The following GABRB1 variants were observed in gnomAD, a reference collection of about 807,000 sequenced individuals.
GABRB1 encodes gamma-aminobutyric acid receptor subunit beta-1.
A neutral mutation model predicts 51.6 loss-of-function variants in GABRB1; 17 were observed. That is an observed-to-expected ratio of 0.33 (90% CI 0.23 to 0.49). The LOEUF (loss-of-function observed/expected upper bound fraction) is 0.49, where lower values mean the gene tolerates loss of function less well. Ranked by LOEUF, GABRB1 falls within the 20% of genes least tolerant of loss-of-function variation. GABRB1 has a pLI of 0.99. For missense variants in GABRB1, 410 were observed against 600.6 expected (o/e 0.68, Z 3.32); for synonymous variants, 247 against 218.9 (o/e 1.13, Z -1.14).
At chr4:47,349,922 G>A (rs1309652155) in intron 5 of GABRB1, among the ~76,000 whole-genome samples, 1 of 151,804 alleles carries the variant, frequency 6.6e-6, no homozygotes, top group Non-Finnish European at 1.5e-5. Flanking sequence ...ACACTTTATA[G>A]CCCTCTTACA....
chr4:47,284,472 A>T lies in GABRB1; in HGVS notation c.462-35655A>T, dbSNP rs371301249. Among the ~76,000 whole-genome samples, 34 of 152,278 alleles carry T rather than the reference A, an allele frequency of 2.2e-4. 1 individual carries two copies. In the South Asian group the frequency reaches 6.8e-3, roughly 31 times the overall value. Reference sequence around the variant, plus strand: ...AACAATACTCAACCCCGAAATTCATACTTATTCTCAACACTCTACTATGTA... The same window carrying T: ...AACAATACTCAACCCCGAAATTCATTCTTATTCTCAACACTCTACTATGTA... On this transcript the variant is annotated intron_variant, in intron 4 of 8. Transcript: ENST00000295454.
At chr4:47,139,767 C>G (rs78415824) in intron 3 of GABRB1, among the ~76,000 whole-genome samples, 3 of 152,024 alleles carry the variant, frequency 2.0e-5, no homozygotes, top group East Asian at 3.9e-4. Flanking sequence ...TATGAATCAA[C>G]TGGGTCTTAT....
intron 8 of GABRB1, among the ~76,000 whole-genome samples, chr4:47,412,540 T>C (rs1728792282): frequency 6.6e-6 from 1 of 152,224 alleles, no homozygotes; most frequent in African/African-American, 2.4e-5. Flanking sequence ...CTGTGCCATA[T>C]AGCATTACAT....
At chr4:47,284,173 G>T (rs1055444772) in intron 4 of GABRB1, among the ~76,000 whole-genome samples, 1 of 151,940 alleles carries the variant, frequency 6.6e-6, no homozygotes, top group Non-Finnish European at 1.5e-5. Flanking sequence ...AGGAGACTGG[G>T]GTTGTCTTTT....
At chr4:47,405,055 C>T (rs1728523557) in intron 7 of GABRB1, among the ~76,000 whole-genome samples, 1 of 152,078 alleles carries the variant, frequency 6.6e-6, no homozygotes, top group Admixed American at 6.5e-5. Context: ...AAATGTAAAA[C>T]AAAGAGTAGA....
At chr4:47,345,432 A>T (rs1726054142) in intron 5 of GABRB1, among the ~76,000 whole-genome samples, 1 of 152,130 alleles carries the variant, frequency 6.6e-6, no homozygotes, top group Non-Finnish European at 1.5e-5. Context: ...TTTTTTTGAG[A>T]TTGTGTCTAT....
intron 3 of GABRB1, among the ~76,000 whole-genome samples, chr4:47,094,398 T>C (rs1477564784): frequency 1.3e-5 from 2 of 151,920 alleles, no homozygotes; most frequent in African/African-American, 2.4e-5. Flanking sequence ...CTAATTTTTA[T>C]ATTTTCACTA....
intron 3 of GABRB1, among the ~76,000 whole-genome samples, chr4:47,054,603 A>G (rs561299066): frequency 6.6e-6 from 1 of 150,466 alleles, no homozygotes; most frequent in Non-Finnish European, 1.5e-5. Context: ...TTTTTTTGAG[A>G]TGGAGTCTTG....
chr4:47,413,568 C>G (rs1392493933), intron 8 of GABRB1, among the ~76,000 whole-genome samples: 1 of 152,068 alleles, frequency 6.6e-6, no homozygotes, highest in African/African-American at 2.4e-5. Context: ...TTGGATGATC[C>G]TCTACTTTTA....
At chr4:47,109,087 TTTGG>T (rs1201420806) in intron 3 of GABRB1, among the ~76,000 whole-genome samples, 1 of 152,090 alleles carries the variant, frequency 6.6e-6, no homozygotes, top group Non-Finnish European at 1.5e-5. Context: ...TCTGATATGT[TTTGG>T]GTAGGATATG....
rs534624395 is a variant in GABRB1, at chr4:47,032,089, A to G, written c.172+84A>G. 154 of 924,826 alleles carry G rather than the reference A, an allele frequency of 1.7e-4. 8 individuals carry two copies. In the South Asian group the frequency reaches 2.0e-3, roughly 12 times the overall value. The allele number at this position is 924,826 out of a possible 1,614,324, so 57.3% of individuals were successfully genotyped here. A position where few individuals can be genotyped will look rare whatever the true frequency, so the allele number is the denominator to read the frequency against. Reference sequence around the variant, plus strand: ...GATAAATGTCAAAAAAAAAAAAAGAAAAGGCATGTCATTTTCGTAAGCGTG... The same window carrying G: ...GATAAATGTCAAAAAAAAAAAAAGAGAAGGCATGTCATTTTCGTAAGCGTG... On this transcript the variant is annotated intron_variant, in intron 2 of 8. Coordinates refer to ENST00000295454, the MANE Select transcript of GABRB1 (RefSeq NM_000812.4).
intron 1 of GABRB1, among the ~76,000 whole-genome samples, chr4:47,006,367 C>G (rs1724398367): frequency 6.6e-6 from 1 of 151,962 alleles, no homozygotes; most frequent in Non-Finnish European, 1.5e-5. Context: ...TGCATATTCC[C>G]ACAGAATTTG....
chr4:47,044,573 A>G (rs1450978627), intron 3 of GABRB1, among the ~76,000 whole-genome samples: 1 of 152,042 alleles, frequency 6.6e-6, no homozygotes, highest in African/African-American at 2.4e-5. Flanking sequence ...CACGAGATAT[A>G]TATGATTATA....
At chr4:47,284,207 CTTTT>C (rs1723416451) in intron 4 of GABRB1, among the ~76,000 whole-genome samples, 2 of 151,730 alleles carry the variant, frequency 1.3e-5, no homozygotes, top group African/African-American at 4.8e-5. Flanking sequence ...GATTGACAGG[CTTTT>C]GGCTGAGGTC....
chr4:47,117,515 A>T (rs952045317), intron 3 of GABRB1, among the ~76,000 whole-genome samples: 1 of 151,942 alleles, frequency 6.6e-6, no homozygotes, highest in Non-Finnish European at 1.5e-5. Flanking sequence ...TCCCATTTCA[A>T]CTCTCAAACT....
chr4:47,195,437 T>C (rs1354761554), intron 4 of GABRB1, among the ~76,000 whole-genome samples: 1 of 120,526 alleles, frequency 8.3e-6, no homozygotes, highest in Non-Finnish European at 1.7e-5. Flanking sequence ...GATAGATAGA[T>C]AGATAGATGA....
intron 4 of GABRB1, among the ~76,000 whole-genome samples, chr4:47,287,110 T>C (rs565447701): frequency 3.3e-5 from 5 of 151,956 alleles, no homozygotes; most frequent in South Asian, 2.1e-4. Context: ...CACACTATCA[T>C]TGGGAAAGTC....
intron 3 of GABRB1, among the ~76,000 whole-genome samples, chr4:47,119,517 T>G (rs925916235): frequency 2.7e-5 from 4 of 149,338 alleles, no homozygotes; most frequent in African/African-American, 9.7e-5. Context: ...TTTCTTTTTT[T>G]TTTTTTTTGA....
intron 1 of GABRB1, among the ~76,000 whole-genome samples, chr4:47,014,277 A>G (rs1213582713): frequency 6.6e-6 from 1 of 152,104 alleles, no homozygotes. Context: ...CTAAGGTAAA[A>G]TCTTCCACTT....
Sources: allele counts gnomAD v4.1 joint callset (sites outside exome capture counted in the v4.1 genomes callset), GRCh38; gene constraint gnomAD v4.1.1; transcripts MANE v1.5; gene names NCBI Gene and HGNC (gene_info 2026-07-23, HGNC 2026-07-21).